Variants in GAS7 observed in about 807,000 individuals in gnomAD.
The protein encoded by GAS7 is growth arrest specific 7, also known as growth arrest-specific protein 7.
GAS7 carries 28 observed loss-of-function variants against 71.1 expected under a neutral mutation model. The observed-to-expected ratio is 0.39, with a 90% CI of 0.29 to 0.54. The LOEUF is 0.54. Among genes scored for constraint, GAS7 ranks in the 20% least tolerant of loss-of-function variants. GAS7 has a pLI of 0.62. For synonymous variants in GAS7, 258 were observed against 245.8 expected (o/e 1.05, Z -0.46); for missense variants, 436 against 627.8 (o/e 0.69, Z 3.27).
chr17:10,068,049 C>T (rs1314121006), intron 1 of GAS7, among the ~76,000 whole-genome samples: 1 of 152,138 alleles, frequency 6.6e-6, no homozygotes, highest in Non-Finnish European at 1.5e-5. Flanking sequence ...TGTGCTCTGT[C>T]CTTCAGAGGC....
chr17:10,172,362 A>G lies in GAS7; in HGVS notation c.183+25846T>C, dbSNP rs1399833611. On this transcript the variant is annotated intron_variant, in intron 1 of 13. Coordinates refer to ENST00000432992, the MANE Select transcript of GAS7 (RefSeq NM_201433.2). ...CCTGCCCAAGGATTCCCCAGGGGGC[A>G]GCCAATCATCTTGTTCACCTCCAGC... 2.0e-5 allele frequency among the ~76,000 whole-genome samples: 3 copies of G among 152,220 alleles called. No individual in the cohort carries two copies. The East Asian group carries it at 5.8e-4, about 29-fold the overall frequency.
At chr17:9,929,292 GA>G (rs1382186322) in intron 9 of GAS7, among the ~76,000 whole-genome samples, 1 of 152,024 alleles carries the variant, frequency 6.6e-6, no homozygotes, top group Non-Finnish European at 1.5e-5. Context: ...AGGTTTCCTG[GA>G]CCCCAGCCCC....
chr17:9,981,384 G>T lies in GAS7; in HGVS notation c.385+420C>A, dbSNP rs989332162. ...AGATGGGGAACTCACACCCTCAAAA[G>T]GTCTCCCTCACACTGTTTCAGGTGT... On this transcript the variant is annotated intron_variant, in intron 3 of 13. Transcript: ENST00000432992. This position sits in a 1 kb window ranked among gnomAD's most constrained non-coding sequence, Gnocchi z 4.4. Among the ~76,000 whole-genome samples the T allele has an allele frequency of 1.3e-5, 2 of 152,056 alleles. No individual in the cohort carries two copies. The highest frequency in any genetic ancestry group is 2.9e-5 in the Non-Finnish European group (2 of 68,022).
At chr17:10,089,907 C>A (rs1048800104) in intron 1 of GAS7, among the ~76,000 whole-genome samples, 6 of 152,186 alleles carry the variant, frequency 3.9e-5, no homozygotes, top group African/African-American at 1.4e-4. Context: ...GTGGCTCACA[C>A]CTCTAATCCC....
chr17:10,032,332 A>G (rs2072642512), intron 1 of GAS7, among the ~76,000 whole-genome samples: 1 of 152,126 alleles, frequency 6.6e-6, no homozygotes, highest in Non-Finnish European at 1.5e-5. Flanking sequence ...TTCCTGATGA[A>G]CTGTTGAGGA....
chr17:9,990,708 G>A (rs1379031965), intron 2 of GAS7, among the ~76,000 whole-genome samples: 1 of 152,182 alleles, frequency 6.6e-6, no homozygotes, highest in East Asian at 1.9e-4. Context: ...GAGGAATTGT[G>A]GGGAAGGGAA....
At chr17:10,004,515 C>T (rs996837430) in intron 2 of GAS7, among the ~76,000 whole-genome samples, 2 of 152,160 alleles carry the variant, frequency 1.3e-5, no homozygotes, top group African/African-American at 2.4e-5. Flanking sequence ...AGGCTCCACA[C>T]AAGCCCCAGA....
intron 1 of GAS7, among the ~76,000 whole-genome samples, chr17:10,065,682 T>A (rs550180048): frequency 3.3e-5 from 5 of 152,362 alleles, no homozygotes; most frequent in African/African-American, 1.2e-4. Flanking sequence ...CTGCAAAGAC[T>A]CTTTTCTAAA....
At chr17:9,994,590 C>T (rs1170731672) in intron 2 of GAS7, among the ~76,000 whole-genome samples, 1 of 149,744 alleles carries the variant, frequency 6.7e-6, no homozygotes, top group African/African-American at 2.5e-5. Flanking sequence ...AGAAGAAAAC[C>T]TAGGCATTAC....
chr17:10,060,023 T>A (rs1270711013), intron 1 of GAS7, among the ~76,000 whole-genome samples: 1 of 152,128 alleles, frequency 6.6e-6, no homozygotes, highest in Non-Finnish European at 1.5e-5. Flanking sequence ...CACCTCCCCA[T>A]TAGGTCACCC....
At chr17:10,018,791 G>C (rs180942462) in intron 2 of GAS7, among the ~76,000 whole-genome samples, 1 of 152,302 alleles carries the variant, frequency 6.6e-6, no homozygotes, top group Non-Finnish European at 1.5e-5. Flanking sequence ...GTGGGAAGGG[G>C]TGGTCATGTA....
At chr17:9,979,871 A>AC (rs917266185) in intron 3 of GAS7, among the ~76,000 whole-genome samples, 2 of 151,644 alleles carry the variant, frequency 1.3e-5, no homozygotes, top group African/African-American at 2.4e-5. Flanking sequence ...TTAAAAAAAA[A>AC]AAAAAACACA....
intron 1 of GAS7, among the ~76,000 whole-genome samples, chr17:10,100,823 G>A (rs953459958): frequency 3.3e-5 from 5 of 152,152 alleles, no homozygotes; most frequent in Non-Finnish European, 5.9e-5. Context: ...GGATAAAAAG[G>A]GTTTTCTGAG....
intron 5 of GAS7, among the ~76,000 whole-genome samples, chr17:9,958,396 G>A (rs754630084): frequency 2.6e-5 from 4 of 152,212 alleles, no homozygotes; most frequent in East Asian, 1.9e-4. Flanking sequence ...CAGCCTGGAC[G>A]AAGCAGGGAA....
chr17:10,005,452 A>G (rs1195230704), intron 2 of GAS7, among the ~76,000 whole-genome samples: 1 of 151,658 alleles, frequency 6.6e-6, no homozygotes, highest in African/African-American at 2.4e-5. Context: ...AAACTCAGAC[A>G]CCCACAGAAC....
Position 9,917,184 on chromosome 17 carries a change from A to C in GAS7, c.*44T>G. The C allele has an allele frequency of 8.4e-4, 725 of 868,238 alleles. No homozygotes were observed. The highest frequency in any genetic ancestry group is 1.3e-3 in the Non-Finnish European group (663 of 501,008). 53.8% of individuals were successfully genotyped at this position (868,238 alleles called of 1,614,324 possible). On this transcript the variant is annotated 3_prime_UTR_variant, in exon 14 of 14. Coordinates refer to ENST00000432992, the MANE Select transcript of GAS7 (RefSeq NM_201433.2). Reference sequence around the variant, plus strand: ...GGCATGGGCCCCATGGTGGGAGCCCAGCCCCCCTCCCCAGCAGGACCCCCC... The same window carrying C: ...GGCATGGGCCCCATGGTGGGAGCCCCGCCCCCCTCCCCAGCAGGACCCCCC...
intron 1 of GAS7, among the ~76,000 whole-genome samples, chr17:10,181,685 A>G (rs1213788676): frequency 6.6e-6 from 1 of 152,192 alleles, no homozygotes; most frequent in East Asian, 1.9e-4. Flanking sequence ...GAAAAATGTT[A>G]AACAGCAGAG....
chr17:10,037,055 C>T (rs899300360), intron 1 of GAS7, among the ~76,000 whole-genome samples: 29 of 152,346 alleles, frequency 1.9e-4, no homozygotes, highest in Non-Finnish European at 2.6e-4. Context: ...ATAAAAAGAA[C>T]GGAGAATGTT....
chr17:10,001,555 G>A (rs185237005), intron 2 of GAS7, among the ~76,000 whole-genome samples: 6 of 152,252 alleles, frequency 3.9e-5, no homozygotes, highest in Non-Finnish European at 8.8e-5. Flanking sequence ...CATCAGGGTT[G>A]TCTCTCAGGG....
Sources: allele counts gnomAD v4.1 joint callset (sites outside exome capture counted in the v4.1 genomes callset), GRCh38; gene constraint gnomAD v4.1.1; non-coding constraint Gnocchi (gnomAD v3.1); transcripts MANE v1.5; gene names NCBI Gene and HGNC (gene_info 2026-07-23, HGNC 2026-07-21).